Variants in MSRA observed in about 807,000 individuals in gnomAD.
The protein encoded by MSRA is methionine sulfoxide reductase A.
Under a neutral mutation model 31.3 loss-of-function variants are expected in MSRA, and 54 were observed. The observed-to-expected ratio is 1.73, with a 90% CI of 1.39 to 2.17. The LOEUF is 2.17. MSRA is among the 30% of genes most tolerant of loss of function. The pLI, the probability that MSRA is intolerant of heterozygous loss-of-function variation, is 0.00. For missense variants in MSRA, 507 were observed against 300.9 expected, an observed-to-expected ratio of 1.69 and a Z score of -5.07; for synonymous variants, 169 against 116.5, an observed-to-expected ratio of 1.45 and a Z score of -2.90.
intron 3 of MSRA, among the ~76,000 whole-genome samples, chr8:10,277,295 T>C (rs1040939955): frequency 4.6e-5 from 7 of 152,210 alleles, no homozygotes. Flanking sequence ...AATCTGATCT[T>C]CCTTCTTTAT....
rs1207900676 is a variant in MSRA at position 10,428,188 on chromosome 8, T to C, written c.584T>C (p.Ile195Thr). 1 of 1,614,066 alleles carries C rather than the reference T, an allele frequency of 6.2e-7. No individual in the cohort carries two copies. The highest frequency in any genetic ancestry group is 1.1e-5 in the South Asian group (1 of 91,066). The change falls in exon 6 of 6, where the codon ATC (isoleucine) becomes ACC (threonine). Residue 195 changes from isoleucine (I) to threonine (T), a missense_variant. Coordinates refer to ENST00000317173, the MANE Select transcript of MSRA (RefSeq NM_012331.5). The stretch of plus-strand genomic sequence containing the variant: ...GGCTTCGGCCCCATCACTACCGACA[T>C]CCGGGAGGGACAGACTTTCTACTAT... ...EHGFGPITTD[I>T]REGQTFYYAE... is the part of the protein sequence containing the mutation.
chr8:10,404,418 C>T (rs1434682462), intron 5 of MSRA, among the ~76,000 whole-genome samples: 1 of 152,226 alleles, frequency 6.6e-6, no homozygotes, highest in South Asian at 2.1e-4. Flanking sequence ...CCCAACCCTC[C>T]GTGGGGAGGG....
chr8:10,336,705 CAA>C (rs1300625920), intron 5 of MSRA: 1 of 152,152 alleles, frequency 6.6e-6, no homozygotes, highest in Non-Finnish European at 1.5e-5. Context: ...TGATAAATTA[CAA>C]GTCTGTATTT....
chr8:10,071,326 C>G (rs529910267), intron 1 of MSRA, among the ~76,000 whole-genome samples: 1 of 152,100 alleles, frequency 6.6e-6, no homozygotes, highest in Admixed American at 6.5e-5. Flanking sequence ...CTTTGGTAGA[C>G]GTTAAACATT....
intron 1 of MSRA, among the ~76,000 whole-genome samples, chr8:10,143,721 T>C (rs1291559063): frequency 2.0e-5 from 3 of 152,154 alleles, no homozygotes; most frequent in Non-Finnish European, 2.9e-5. Flanking sequence ...AGGGCCACTT[T>C]CGTTTCCAAT....
At chr8:10,341,207 T>C (rs530331806) in intron 5 of MSRA, among the ~76,000 whole-genome samples, 15 of 152,346 alleles carry the variant, frequency 9.8e-5, no homozygotes, top group Middle Eastern at 6.8e-3. Context: ...AGAGATTTAA[T>C]TGGCTCATGA....
chr8:10,163,159 A>G (rs1447068833), intron 1 of MSRA, among the ~76,000 whole-genome samples: 2 of 152,180 alleles, frequency 1.3e-5, no homozygotes, highest in Admixed American at 1.3e-4. Context: ...GAGCCTGACC[A>G]TGCTGGCACC....
At chr8:10,087,863 G>C (rs910222746) in intron 1 of MSRA, among the ~76,000 whole-genome samples, 3 of 152,168 alleles carry the variant, frequency 2.0e-5, no homozygotes, top group African/African-American at 4.8e-5. Context: ...AAATGCAGTA[G>C]ACTTTTTGGC....
At chr8:10,060,929 T>C (rs569646297) in intron 1 of MSRA, among the ~76,000 whole-genome samples, 4 of 152,350 alleles carry the variant, frequency 2.6e-5, no homozygotes, top group Admixed American at 6.5e-5. Context: ...TGTACGTTGA[T>C]TTTTAAAAGA....
chr8:10,145,582 T>C (rs1411359854), intron 1 of MSRA, among the ~76,000 whole-genome samples: 1 of 152,222 alleles, frequency 6.6e-6, no homozygotes, highest in East Asian at 1.9e-4. Flanking sequence ...GGTGGCCTTC[T>C]TGTACTTTTG....
intron 5 of MSRA, among the ~76,000 whole-genome samples, chr8:10,410,386 G>A (rs1369002811): frequency 2.6e-5 from 4 of 152,176 alleles, no homozygotes; most frequent in South Asian, 2.1e-4. Context: ...GGCCCTTGAC[G>A]CTCCTACTTC....
intron 5 of MSRA, among the ~76,000 whole-genome samples, chr8:10,338,611 T>C (rs1453645639): frequency 6.6e-6 from 1 of 152,196 alleles, no homozygotes; most frequent in African/African-American, 2.4e-5. Context: ...AGATATACAG[T>C]TAGGATTTGT....
chr8:10,317,803 C>T (rs1030021721), intron 4 of MSRA, among the ~76,000 whole-genome samples: 1 of 152,208 alleles, frequency 6.6e-6, no homozygotes, highest in Non-Finnish European at 1.5e-5. Flanking sequence ...CTTGTTGCAT[C>T]TGTGGGAAAG....
At chr8:10,061,345 T>C (rs987990564) in intron 1 of MSRA, among the ~76,000 whole-genome samples, 13 of 152,184 alleles carry the variant, frequency 8.5e-5, no homozygotes, top group Non-Finnish European at 1.5e-4. Flanking sequence ...TATATCCTTA[T>C]CTTCAAGGAA....
chr8:10,351,245 CTTTT>C (rs71203317), intron 5 of MSRA, among the ~76,000 whole-genome samples: 37 of 56,802 alleles, frequency 6.5e-4, no homozygotes, highest in African/African-American at 2.4e-3. Context: ...CTGAAGGAGA[CTTTT>C]TTTTTTTTTT....
At chr8:10,275,007 A>G (rs1799249138) in intron 3 of MSRA, among the ~76,000 whole-genome samples, 1 of 152,204 alleles carries the variant, frequency 6.6e-6, no homozygotes, top group African/African-American at 2.4e-5. Flanking sequence ...GCTTCCAAGG[A>G]CTATATATGA....
chr8:10,262,767 A>G (rs1798548338), intron 3 of MSRA, among the ~76,000 whole-genome samples: 1 of 152,238 alleles, frequency 6.6e-6, no homozygotes, highest in African/African-American at 2.4e-5. Flanking sequence ...GCAGGCCTCC[A>G]CAGCCAGGCT....
intron 3 of MSRA, among the ~76,000 whole-genome samples, chr8:10,272,457 G>A (rs2129101247): frequency 6.6e-6 from 1 of 152,352 alleles, no homozygotes; most frequent in South Asian, 2.1e-4. Flanking sequence ...AGCCGGAGGA[G>A]TCCTTTCTAC....
At chr8:10,077,082 C>T (rs887555075) in intron 1 of MSRA, among the ~76,000 whole-genome samples, 18 of 151,134 alleles carry the variant, frequency 1.2e-4, no homozygotes, top group African/African-American at 3.9e-4. Context: ...CAAGGAGCCT[C>T]CAAGTTTATG....
Sources: allele counts gnomAD v4.1 joint callset (sites outside exome capture counted in the v4.1 genomes callset), GRCh38; gene constraint gnomAD v4.1.1; transcripts MANE v1.5; gene names NCBI Gene and HGNC (gene_info 2026-07-23, HGNC 2026-07-21).